KATNBL1: variants seen among roughly 807,000 people sequenced by gnomAD.
KATNBL1 encodes katanin regulatory subunit B1 like 1.
Under a neutral mutation model 44.7 loss-of-function variants are expected in KATNBL1, and 28 were observed. That is an observed-to-expected ratio of 0.63 (90% CI 0.46 to 0.86). The LOEUF (loss-of-function observed/expected upper bound fraction) is 0.86. Among genes scored for constraint, KATNBL1 ranks in the 40% least tolerant of loss-of-function variants. The pLI is 0.00. For missense variants in KATNBL1, 272 were observed against 350.7 expected (o/e 0.78, Z 1.79); for synonymous variants, 78 against 114.9 (o/e 0.68, Z 2.06).
At chr15:34,203,906 G>A (rs1890229648) in intron 1 of KATNBL1, among the ~76,000 whole-genome samples, 1 of 151,696 alleles carries the variant, frequency 6.6e-6, no homozygotes. Context: ...GGGAGGGATA[G>A]CATTAGGAGA....
chr15:34,187,557 T>A (rs961232687), intron 1 of KATNBL1, among the ~76,000 whole-genome samples: 2 of 152,096 alleles, frequency 1.3e-5, no homozygotes, highest in African/African-American at 4.8e-5. Context: ...AAATACAATA[T>A]TTCTCTCTCC....
chr15:34,180,971 C>T (rs902236737), intron 1 of KATNBL1, among the ~76,000 whole-genome samples: 1 of 152,140 alleles, frequency 6.6e-6, no homozygotes, highest in African/African-American at 2.4e-5. Flanking sequence ...TCAGATCTTC[C>T]TTCTTCCACT....
At chr15:34,204,922 A>G (rs1284701386) in intron 1 of KATNBL1, among the ~76,000 whole-genome samples, 1 of 152,036 alleles carries the variant, frequency 6.6e-6, no homozygotes, top group Non-Finnish European at 1.5e-5. Flanking sequence ...TACGAATTAT[A>G]TGTGAAAAAA....
At chr15:34,175,020 CAGG>C (rs1889283406) in intron 1 of KATNBL1, among the ~76,000 whole-genome samples, 2 of 151,846 alleles carry the variant, frequency 1.3e-5, no homozygotes, top group African/African-American at 2.4e-5. Context: ...GCTGACGAGG[CAGG>C]AGGATTGCCT....
At chr15:34,176,252 C>A (rs1371428747) in intron 1 of KATNBL1, among the ~76,000 whole-genome samples, 2 of 151,660 alleles carry the variant, frequency 1.3e-5, no homozygotes, top group African/African-American at 4.8e-5. Context: ...GTGGCAGGCG[C>A]CTGTAATCCT....
At chr15:34,160,653 T>C (rs1383459266) in intron 2 of KATNBL1, among the ~76,000 whole-genome samples, 3 of 152,212 alleles carry the variant, frequency 2.0e-5, no homozygotes, top group African/African-American at 4.8e-5. Flanking sequence ...ATTATTCTTC[T>C]AACATTTCAA....
intron 2 of KATNBL1, among the ~76,000 whole-genome samples, chr15:34,155,946 C>T (rs1888624345): frequency 6.6e-6 from 1 of 152,162 alleles, no homozygotes; most frequent in Non-Finnish European, 1.5e-5. Context: ...AGTCGAAAGA[C>T]CCATAAGGGG....
intron 1 of KATNBL1, among the ~76,000 whole-genome samples, chr15:34,190,905 C>A (rs1282588825): frequency 6.6e-6 from 1 of 151,968 alleles, no homozygotes; most frequent in African/African-American, 2.4e-5. Flanking sequence ...TTAGAAAAAT[C>A]CAGAAAACTT....
chr15:34,202,925 AGG>A (rs1890206327), intron 1 of KATNBL1, among the ~76,000 whole-genome samples: 1 of 152,226 alleles, frequency 6.6e-6, no homozygotes, highest in Non-Finnish European at 1.5e-5. Flanking sequence ...CGGAAGGCGG[AGG>A]TTGCAGTAAG....
At chr15:34,163,773 G>A in intron 1 of KATNBL1, 83 bp from the exon 2 acceptor site, 2 of 701,848 alleles carry the variant, frequency 2.8e-6, no homozygotes, top group Non-Finnish European at 4.5e-6. Flanking sequence ...TACAACAGTA[G>A]CACAATGCTA....
intron 4 of KATNBL1, 98 bp from the exon 5 acceptor site, chr15:34,148,848 T>G: frequency 1.4e-6 from 1 of 691,396 alleles, no homozygotes; most frequent in East Asian, 2.7e-5. Flanking sequence ...TTAAAAATCA[T>G]GCAAAAGTAA....
intron 1 of KATNBL1, among the ~76,000 whole-genome samples, chr15:34,176,098 G>A (rs1360619443): frequency 6.6e-6 from 1 of 152,102 alleles, no homozygotes; most frequent in Middle Eastern, 3.2e-3. Context: ...GAAGTGGCCA[G>A]GCGTGGTGGC....
At chr15:34,155,034 A>G (rs1283147907) in intron 2 of KATNBL1, among the ~76,000 whole-genome samples, 1 of 152,148 alleles carries the variant, frequency 6.6e-6, no homozygotes, top group Non-Finnish European at 1.5e-5. Context: ...CTAAGGACAG[A>G]GCAGGTGACT....
intron 1 of KATNBL1, among the ~76,000 whole-genome samples, chr15:34,182,230 T>C (rs573000808): frequency 1.3e-5 from 2 of 152,254 alleles, no homozygotes; most frequent in South Asian, 4.1e-4. Flanking sequence ...TTCATCACTT[T>C]CTAGCTCATG....
intron 1 of KATNBL1, among the ~76,000 whole-genome samples, chr15:34,179,950 C>T (rs564079181): frequency 2.0e-5 from 3 of 152,130 alleles, no homozygotes; most frequent in African/African-American, 7.2e-5. Flanking sequence ...GGTGGAAATG[C>T]CAATACATGG....
Position 34,147,399 on chromosome 15 carries a change from G to A in KATNBL1, c.589C>T (p.Leu197Phe), listed in dbSNP as rs1379142669. Residue 197 changes from leucine (L) to phenylalanine (F), a missense_variant, in exon 6 of 10, where the codon CTT (leucine) becomes TTT (phenylalanine). Transcript: ENST00000256544. ...TTTTACCAATTGGTGAGCACAGGAAGGCAATCTACCACAACGCCAAGATCT... is the reference window on the plus strand; with the variant it reads ...TTTTACCAATTGGTGAGCACAGGAAAGCAATCTACCACAACGCCAAGATCT... ...IEDLGVVVDC[L>F]PVLTNCLQEE... 1 of 1,613,378 alleles carries A rather than the reference G, an allele frequency of 6.2e-7. No homozygotes were observed. Among genetic ancestry groups the A allele is most frequent in the Admixed American group, 1.7e-5 (1 of 60,004 alleles).
At chr15:34,179,732 G>T (rs1006070832) in intron 1 of KATNBL1, among the ~76,000 whole-genome samples, 17 of 152,198 alleles carry the variant, frequency 1.1e-4, no homozygotes, top group Non-Finnish European at 2.1e-4. Flanking sequence ...ATCAAAAAAG[G>T]TCTATCAAAA....
intron 1 of KATNBL1, chr15:34,208,729 G>C (rs1160143517): frequency 1.3e-5 from 2 of 152,200 alleles, no homozygotes; most frequent in African/African-American, 4.8e-5. Context: ...ATCAAGAGCA[G>C]AAAACTTGAA....
chr15:34,171,808 C>T (rs567137421), intron 1 of KATNBL1, among the ~76,000 whole-genome samples: 5 of 152,138 alleles, frequency 3.3e-5, no homozygotes, highest in African/African-American at 7.2e-5. Flanking sequence ...AAGCTGGAAA[C>T]GATCATTTTC....
Sources: allele counts gnomAD v4.1 joint callset (sites outside exome capture counted in the v4.1 genomes callset), GRCh38; gene constraint gnomAD v4.1.1; transcripts MANE v1.5; gene names NCBI Gene and HGNC (gene_info 2026-07-23, HGNC 2026-07-21).